GLIS3: variants seen among roughly 807,000 people sequenced by gnomAD.
GLIS3 encodes zinc finger protein GLIS3.
GLIS3 carries 53 observed loss-of-function variants against 78.6 expected under a neutral mutation model. The ratio of observed to expected loss-of-function variants is 0.67; its 90% confidence interval spans 0.54 to 0.85. The LOEUF is 0.85. GLIS3 is among the 40% of genes least tolerant of loss of function. The probability of loss-of-function intolerance (pLI) is 0.00; values close to 1 mark genes in which losing one functional copy is unlikely to be tolerated. For synonymous variants in GLIS3, 684 were observed against 509.9 expected (o/e 1.34, Z -4.60); for missense variants, 1,703 against 1,231.1 (o/e 1.38, Z -5.74).
At chr9:3,994,748 T>C (rs1343229935) in intron 4 of GLIS3, among the ~76,000 whole-genome samples, 1 of 152,208 alleles carries the variant, frequency 6.6e-6, no homozygotes. Flanking sequence ...ATTCCTTATT[T>C]ACTTCTTTCC....
Position 3,983,826 on chromosome 9 carries a change from G to A in GLIS3, c.1711-46637C>T, listed in dbSNP as rs548482541. Among the ~76,000 whole-genome samples the A allele has an allele frequency of 2.0e-5, 3 of 152,318 alleles. No individual in the cohort carries two copies. The South Asian group carries it at 6.2e-4, about 32-fold the overall frequency. ...GTTAAGGGCATTCAGTTTTCTAAGGGAAGCAGAGCACAAAAGTTTGGAAAT... is the reference window on the plus strand; with the variant it reads ...GTTAAGGGCATTCAGTTTTCTAAGGAAAGCAGAGCACAAAAGTTTGGAAAT... On this transcript the variant is annotated intron_variant, in intron 4 of 10. Transcript: ENST00000381971.
At chr9:3,936,436 G>A (rs996070431) in intron 5 of GLIS3, among the ~76,000 whole-genome samples, 2 of 152,142 alleles carry the variant, frequency 1.3e-5, no homozygotes, top group Non-Finnish European at 2.9e-5. Flanking sequence ...AAGAATATGT[G>A]GCTGCTAACA....
upstream of GLIS3, among the ~76,000 whole-genome samples, chr9:4,301,883 G>A (rs1479337609): frequency 6.6e-6 from 1 of 152,156 alleles, no homozygotes; most frequent in Non-Finnish European, 1.5e-5. Context: ...TCATTTATAA[G>A]AGCCCAAGAG....
chr9:4,177,484 G>A (rs937154845), intron 2 of GLIS3, among the ~76,000 whole-genome samples: 3 of 152,196 alleles, frequency 2.0e-5, no homozygotes, highest in African/African-American at 7.2e-5. Context: ...AGATACAGGT[G>A]AAGGTGCTGG....
chr9:4,179,448 G>T (rs1447063129), intron 2 of GLIS3, among the ~76,000 whole-genome samples: 2 of 152,014 alleles, frequency 1.3e-5, no homozygotes, highest in Non-Finnish European at 2.9e-5. Context: ...TATTTGTTTG[G>T]GATAGTCCTG....
intron 2 of GLIS3, among the ~76,000 whole-genome samples, chr9:4,179,998 C>A (rs925501617): frequency 2.0e-5 from 3 of 152,092 alleles, no homozygotes; most frequent in African/African-American, 7.2e-5. Context: ...TCTCCATGAG[C>A]CTGCATCACC....
the GLIS3 span, among the ~76,000 whole-genome samples, chr9:4,362,048 A>G: frequency 6.6e-6 from 1 of 152,250 alleles, no homozygotes; most frequent in Non-Finnish European, 1.5e-5. Flanking sequence ...GTCAGCAAAG[A>G]GGGATAAATC....
At chr9:4,059,829 T>TGAGAGAGAGA (rs1004608610) in intron 4 of GLIS3, among the ~76,000 whole-genome samples, 43 of 100,688 alleles carry the variant, frequency 4.3e-4, no homozygotes, top group African/African-American at 9.8e-4. Flanking sequence ...TGTGTGTGTG[T>TGAGAGAGAGA]GAGAGAGAGA....
chr9:4,011,908 A>T (rs1397377691), intron 4 of GLIS3, among the ~76,000 whole-genome samples: 1 of 152,136 alleles, frequency 6.6e-6, no homozygotes, highest in African/African-American at 2.4e-5. Context: ...TTCAAAAGTC[A>T]GACTGCTATG....
chr9:3,872,675 C>G (rs1821042112), intron 8 of GLIS3, among the ~76,000 whole-genome samples: 2 of 152,170 alleles, frequency 1.3e-5, no homozygotes, highest in South Asian at 4.1e-4. Flanking sequence ...AGATCCCTCC[C>G]ACAACACGTA....
At chr9:4,458,841 T>G in the GLIS3 span, among the ~76,000 whole-genome samples, 2 of 152,064 alleles carry the variant, frequency 1.3e-5, no homozygotes, top group East Asian at 3.9e-4. Context: ...ATAAGTATAT[T>G]TGATGAAACA....
At chr9:3,830,879 A>C (rs1818006222) in intron 9 of GLIS3, among the ~76,000 whole-genome samples, 1 of 152,050 alleles carries the variant, frequency 6.6e-6, no homozygotes, top group Non-Finnish European at 1.5e-5. Context: ...TATGCTCTCA[A>C]CCCTTCTCAT....
At chr9:3,931,798 G>A (rs1825638436) in intron 6 of GLIS3, among the ~76,000 whole-genome samples, 1 of 152,156 alleles carries the variant, frequency 6.6e-6, no homozygotes, top group Non-Finnish European at 1.5e-5. Flanking sequence ...CCTCATTAAT[G>A]TCAAAGTGGT....
intron 2 of GLIS3, among the ~76,000 whole-genome samples, chr9:4,274,908 G>C (rs766650859): frequency 2.0e-5 from 3 of 152,164 alleles, no homozygotes; most frequent in Non-Finnish European, 4.4e-5. Context: ...TGAGTAGCAA[G>C]GTCCTACACC....
intron 2 of GLIS3, among the ~76,000 whole-genome samples, chr9:4,219,391 C>T (rs1281237698): frequency 6.6e-6 from 1 of 152,188 alleles, no homozygotes; most frequent in African/African-American, 2.4e-5. Flanking sequence ...CACTCACAGC[C>T]CCCAGGCCCA....
intron 2 of GLIS3, chr9:4,151,202 C>A (rs12353487): frequency 0.19 from 29,084 of 152,154 alleles, 3,190 homozygotes; most frequent in African/African-American, 0.29. Flanking sequence ...CTTCTCTCTT[C>A]CAAGTGTCTT....
At chr9:4,196,863 C>T (rs1481734785) in intron 2 of GLIS3, among the ~76,000 whole-genome samples, 3 of 152,196 alleles carry the variant, frequency 2.0e-5, no homozygotes, top group African/African-American at 7.2e-5. Flanking sequence ...AACCTGGAAC[C>T]AATCTGCATG....
intron 2 of GLIS3, among the ~76,000 whole-genome samples, chr9:4,165,279 A>T (rs538943137): frequency 6.6e-6 from 1 of 152,258 alleles, no homozygotes; most frequent in South Asian, 2.1e-4. Context: ...CATCTCTCCT[A>T]AAAATACAAA....
intron 4 of GLIS3, among the ~76,000 whole-genome samples, chr9:4,308,385 G>C (rs1336753258): frequency 1.3e-5 from 2 of 152,046 alleles, no homozygotes; most frequent in Non-Finnish European, 2.9e-5. Context: ...AGGAAGACAG[G>C]GTCAAAGAAG....
Sources: gnomAD v4.1 joint callset for allele counts (sites outside exome capture counted in the v4.1 genomes callset) on GRCh38, gnomAD v4.1.1 for gene constraint, MANE v1.5 for transcripts, NCBI Gene and HGNC (gene_info 2026-07-23, HGNC 2026-07-21) for gene names.